The following FARP1 variants were observed in gnomAD, a reference collection of about 807,000 sequenced individuals.
The protein encoded by FARP1 is FERM, ARH/RhoGEF and pleckstrin domain protein 1, also known as FERM, ARHGEF and pleckstrin domain-containing protein 1.
Under a neutral mutation model 128.8 loss-of-function variants are expected in FARP1, and 52 were observed. That is an observed-to-expected ratio of 0.40 (90% CI 0.32 to 0.51). The LOEUF (loss-of-function observed/expected upper bound fraction) is 0.51, where lower values mean the gene tolerates loss of function less well. Ranked by LOEUF, FARP1 falls within the 20% of genes least tolerant of loss-of-function variation. The probability of loss-of-function intolerance (pLI) is 0.45; values close to 1 mark genes in which losing one functional copy is unlikely to be tolerated. For missense variants in FARP1, 1,333 were observed against 1,367.9 expected, an observed-to-expected ratio of 0.97 and a Z score of 0.40; for synonymous variants, 580 against 551.8, an observed-to-expected ratio of 1.05 and a Z score of -0.72.
intron 17 of FARP1, 82 bp from the exon 18 acceptor site, chr13:98,430,961 C>A: frequency 3.6e-6 from 3 of 834,676 alleles, no homozygotes; most frequent in Non-Finnish European, 5.9e-6. Context: ...AGGAGCGCTT[C>A]ATTTCCCCAA....
At chr13:98,298,774 G>C (rs1317733067) in intron 2 of FARP1, among the ~76,000 whole-genome samples, 3 of 152,136 alleles carry the variant, frequency 2.0e-5, no homozygotes, top group Admixed American at 6.5e-5. Flanking sequence ...TCTTTTCAAC[G>C]CCTTGGTTGT....
chr13:98,181,860 A>G (rs1375812677), intron 1 of FARP1, among the ~76,000 whole-genome samples: 1 of 152,126 alleles, frequency 6.6e-6, no homozygotes, highest in Non-Finnish European at 1.5e-5. Flanking sequence ...CTTATCACAC[A>G]TGGTATTTAA....
intron 1 of FARP1, among the ~76,000 whole-genome samples, chr13:98,211,054 G>A (rs1423840614): frequency 6.6e-6 from 1 of 151,890 alleles, no homozygotes; most frequent in Non-Finnish European, 1.5e-5. Context: ...GTTATATATA[G>A]TACCATCCTC....
chr13:98,436,081 A>C (rs1317729914), intron 19 of FARP1: 1 of 291,602 alleles, frequency 3.4e-6, no homozygotes, highest in Non-Finnish European at 7.0e-6. Context: ...AAGGTAGTGC[A>C]TTAAATTATG....
intron 13 of FARP1, chr13:98,404,019 T>C (rs117268563): frequency 0.011 from 1,509 of 135,424 alleles, 13 homozygotes; most frequent in Non-Finnish European, 0.014. Flanking sequence ...ACCACCACCA[T>C]CACCACCACC....
chr13:98,168,959 T>G (rs1052579498), intron 1 of FARP1, among the ~76,000 whole-genome samples: 1 of 152,208 alleles, frequency 6.6e-6, no homozygotes, highest in Non-Finnish European at 1.5e-5. Flanking sequence ...TGTATATCAT[T>G]ATGACTGTGT....
chr13:98,345,570 G>A (rs1888145055), intron 3 of FARP1: 1 of 152,216 alleles, frequency 6.6e-6, no homozygotes, highest in African/African-American at 2.4e-5. Context: ...GTTTAGGAAT[G>A]TATTCAACTG....
chr13:98,157,500 G>A (rs887285526), intron 1 of FARP1, among the ~76,000 whole-genome samples: 5 of 152,084 alleles, frequency 3.3e-5, no homozygotes, highest in South Asian at 2.1e-4. Context: ...GTCTCCTCCC[G>A]GGTGCCAGCG....
chr13:98,366,582 T>C (rs189088665), intron 4 of FARP1, among the ~76,000 whole-genome samples: 91 of 152,362 alleles, frequency 6.0e-4, no homozygotes, highest in Middle Eastern at 6.8e-3. Flanking sequence ...TTGACTCTGG[T>C]TGGGTCAGAG....
chr13:98,177,148 GCCCCTTTCCGT>G, intron 1 of FARP1: 1 of 1,607,114 alleles, frequency 6.2e-7, no homozygotes, highest in Non-Finnish European at 8.5e-7. Context: ...GAGGCCTGCA[GCCCCTTTCCGT>G]CCAGGCTTTT....
intron 1 of FARP1, among the ~76,000 whole-genome samples, chr13:98,152,060 TCTGA>T (rs891964985): frequency 6.6e-5 from 10 of 152,198 alleles, no homozygotes; most frequent in African/African-American, 2.4e-4. Context: ...TGGCAGAATG[TCTGA>T]CTAATAGCAG....
rs956132308 is a variant in FARP1, at chr13:98,411,931, G to A, written c.1723G>A (p.Ala575Thr). Residue 575 changes from alanine to threonine, a missense_variant, in exon 16 of 27, where the codon GCC (alanine) becomes ACC (threonine). This residue lies in a region of FARP1 where 1,009 missense variants were observed against 969.8 expected (regional missense o/e 1.04). Transcript: ENST00000319562. ...WFQSTVSKED[A>T]MPEALKSLIF... ...TCAGAGCACAGTGAGCAAAGAGGAC[G>A]CCATGCCGGAAGCACTGAAAAGTCT... 4.3e-6 allele frequency: 7 copies of A among 1,614,068 alleles called. No individual in the cohort carries two copies. The highest frequency in any genetic ancestry group is 4.5e-5 in the East Asian group (2 of 44,882).
At chr13:98,370,757 A>G (rs1889291783) in intron 5 of FARP1, among the ~76,000 whole-genome samples, 1 of 152,280 alleles carries the variant, frequency 6.6e-6, no homozygotes, top group Admixed American at 6.5e-5. Context: ...AGCTCCAGGG[A>G]GACAGTGACA....
intron 24 of FARP1, among the ~76,000 whole-genome samples, chr13:98,444,062 G>T (rs1793991483): frequency 6.6e-6 from 1 of 151,958 alleles, no homozygotes; most frequent in Admixed American, 6.6e-5. Context: ...GGCCTTGAGG[G>T]AAAATGTCCC....
At chr13:98,308,705 G>A (rs1886303389) in intron 2 of FARP1, among the ~76,000 whole-genome samples, 1 of 152,152 alleles carries the variant, frequency 6.6e-6, no homozygotes, top group Non-Finnish European at 1.5e-5. Flanking sequence ...GTCTCACTCT[G>A]CTGGCCAGGC....
intron 1 of FARP1, chr13:98,159,426 T>C (rs12875965): frequency 6.6e-6 from 1 of 152,140 alleles, no homozygotes; most frequent in Non-Finnish European, 1.5e-5. Context: ...CCAATCTTTA[T>C]TGAAAATTTT....
intron 3 of FARP1, among the ~76,000 whole-genome samples, chr13:98,344,762 G>A (rs1047486403): frequency 2.6e-5 from 4 of 152,178 alleles, no homozygotes; most frequent in Admixed American, 2.0e-4. Context: ...GTGAATGAAC[G>A]GATCTGTCAT....
At chr13:98,405,045 GT>G (rs1566296489) in intron 13 of FARP1, 1 of 152,166 alleles carries the variant, frequency 6.6e-6, no homozygotes, top group East Asian at 1.9e-4. Flanking sequence ...GATTAGAAAT[GT>G]TTTTCTTTTC....
chr13:98,249,843 G>A (rs9513381), intron 2 of FARP1, among the ~76,000 whole-genome samples: 58,606 of 151,894 alleles, frequency 0.39, 11,822 homozygotes, highest in South Asian at 0.54. Flanking sequence ...AAATTCCAGG[G>A]GCAAATGAAC....
Sources: gnomAD v4.1 joint callset for allele counts (sites outside exome capture counted in the v4.1 genomes callset) on GRCh38, gnomAD v4.1.1 for gene constraint, gnomAD v4.1.1 regional missense constraint, MANE v1.5 for transcripts, NCBI Gene and HGNC (gene_info 2026-07-23, HGNC 2026-07-21) for gene names.